Variants in BRINP3 observed in about 807,000 individuals in gnomAD.
The protein encoded by BRINP3 is BMP/retinoic acid inducible neural specific 3.
A neutral mutation model predicts 71.0 loss-of-function variants in BRINP3; 19 were observed. That is an observed-to-expected ratio of 0.27 (90% CI 0.19 to 0.39). BRINP3 has a LOEUF of 0.39. BRINP3 is among the 10% of genes least tolerant of loss of function. The probability of loss-of-function intolerance (pLI) is 1.00; values close to 1 mark genes in which losing one functional copy is unlikely to be tolerated. For synonymous variants in BRINP3, 380 were observed against 337.7 expected (o/e 1.13, Z -1.37); for missense variants, 959 against 940.8 (o/e 1.02, Z -0.25).
intron 6 of BRINP3, among the ~76,000 whole-genome samples, chr1:190,187,287 C>A (rs1653616226): frequency 6.6e-6 from 1 of 152,064 alleles, no homozygotes; most frequent in Non-Finnish European, 1.5e-5. Context: ...GCCTCCTTAT[C>A]AGATGTATAG....
At chr1:190,373,938 T>C (rs1250542449) in intron 2 of BRINP3, among the ~76,000 whole-genome samples, 1 of 150,960 alleles carries the variant, frequency 6.6e-6, no homozygotes, top group Non-Finnish European at 1.5e-5. Flanking sequence ...GGAGGCAGTG[T>C]AGTGTAGCGT....
At chr1:190,106,815 G>A (rs1652211365) in intron 7 of BRINP3, among the ~76,000 whole-genome samples, 1 of 151,646 alleles carries the variant, frequency 6.6e-6, no homozygotes, top group Non-Finnish European at 1.5e-5. Flanking sequence ...TATGTTTCAT[G>A]ACCAATTTCC....
chr1:190,207,206 TTGTC>T (rs1342751935), intron 6 of BRINP3, among the ~76,000 whole-genome samples: 3 of 152,110 alleles, frequency 2.0e-5, no homozygotes, highest in Admixed American at 6.6e-5. Flanking sequence ...TACCGCTAAA[TTGTC>T]TGTCTGTCAG....
chr1:190,367,459 T>G (rs1024950894), intron 2 of BRINP3, among the ~76,000 whole-genome samples: 1 of 152,224 alleles, frequency 6.6e-6, no homozygotes, highest in African/African-American at 2.4e-5. Context: ...TAGGAGGTGC[T>G]GCTGCAAAGG....
intron 7 of BRINP3, among the ~76,000 whole-genome samples, chr1:190,119,121 T>G (rs945375146): frequency 6.6e-6 from 1 of 152,118 alleles, no homozygotes; most frequent in Admixed American, 6.5e-5. Flanking sequence ...ATAAAAAGAT[T>G]GCATTCAATT....
intron 2 of BRINP3, among the ~76,000 whole-genome samples, chr1:190,363,125 G>C: frequency 6.6e-6 from 1 of 152,118 alleles, no homozygotes. Flanking sequence ...ATGTTTGAGA[G>C]GGCCTATTGG....
At chr1:190,384,565 T>G (rs1382528124) in intron 2 of BRINP3, among the ~76,000 whole-genome samples, 1 of 151,798 alleles carries the variant, frequency 6.6e-6, no homozygotes, top group East Asian at 1.9e-4. Context: ...ATTGAGATAA[T>G]TTATAAAAAT....
At chr1:190,119,484 C>T (rs182412289) in intron 7 of BRINP3, among the ~76,000 whole-genome samples, 60 of 152,026 alleles carry the variant, frequency 3.9e-4, no homozygotes, top group African/African-American at 1.3e-3. Flanking sequence ...CCATTTTGGT[C>T]GGGGGGTCTT....
chr1:190,454,629 G>T (rs997465388), intron 2 of BRINP3, 26 bp downstream of exon 2: 1 of 1,579,696 alleles, frequency 6.3e-7, no homozygotes, highest in Admixed American at 1.7e-5. Flanking sequence ...TGATATTTCT[G>T]TAATTGCTTT....
chr1:190,354,796 A>G (rs1668625281), intron 2 of BRINP3, among the ~76,000 whole-genome samples: 1 of 149,930 alleles, frequency 6.7e-6, no homozygotes, highest in Admixed American at 6.6e-5. Context: ...TCCTATTTAA[A>G]CTGTTGCACC....
chr1:190,414,333 CTG>C lies in BRINP3; in HGVS notation c.236+40320_236+40321del, dbSNP rs534073447. Among the ~76,000 whole-genome samples, 32 of 151,290 alleles carry C rather than the reference CTG, an allele frequency of 2.1e-4. No homozygotes were observed. In the South Asian group the frequency reaches 5.8e-3, roughly 28 times the overall value. On this transcript the variant is annotated intron_variant, in intron 2 of 7. Coordinates refer to ENST00000367462, the MANE Select transcript of BRINP3 (RefSeq NM_199051.3). ...ATAATATTTGAGGTTGAATAAATCA[CTG>C]TGTTTTTTTTTTGTTGTTTATCAGT... is the stretch of plus-strand genomic sequence containing the variant.
chr1:190,382,946 C>T (rs976580233), intron 2 of BRINP3, among the ~76,000 whole-genome samples: 2 of 152,110 alleles, frequency 1.3e-5, no homozygotes, highest in Admixed American at 1.3e-4. Context: ...TTCAAAATTT[C>T]CTCAAGTGCT....
Position 190,179,045 on chromosome 1 carries a change from C to T in BRINP3, c.962-18155G>A, listed in dbSNP as rs370674962. ...TACAATGTCAGCATAATATTTAAAACGTCTCAGCAAACTCTTTCCTTCATA... is the reference window on the plus strand; with the variant it reads ...TACAATGTCAGCATAATATTTAAAATGTCTCAGCAAACTCTTTCCTTCATA... On this transcript the variant is annotated intron_variant, in intron 6 of 7. Coordinates refer to ENST00000367462, the MANE Select transcript of BRINP3 (RefSeq NM_199051.3). Among the ~76,000 whole-genome samples the T allele has an allele frequency of 1.2e-4, 19 of 152,206 alleles. No individual in the cohort carries two copies. In the South Asian group the frequency reaches 3.1e-3, roughly 25 times the overall value.
chr1:190,276,816 A>C (rs1371268975), intron 3 of BRINP3, among the ~76,000 whole-genome samples: 1 of 151,332 alleles, frequency 6.6e-6, no homozygotes, highest in Non-Finnish European at 1.5e-5. Context: ...TATCTAAAAA[A>C]TGCTTAAGTT....
chr1:190,437,935 T>C (rs1003307664), intron 2 of BRINP3, among the ~76,000 whole-genome samples: 3 of 151,584 alleles, frequency 2.0e-5, no homozygotes, highest in African/African-American at 7.2e-5. Flanking sequence ...TTATAATTTA[T>C]ATAGTATAAT....
At chr1:190,268,330 C>T (rs1019476513) in intron 3 of BRINP3, among the ~76,000 whole-genome samples, 43 of 152,024 alleles carry the variant, frequency 2.8e-4, no homozygotes, top group Non-Finnish European at 4.1e-4. Context: ...AACTTCTGGC[C>T]TCAAGTGATC....
chr1:190,273,622 G>T (rs1405440681), intron 3 of BRINP3, among the ~76,000 whole-genome samples: 5 of 151,502 alleles, frequency 3.3e-5, no homozygotes, highest in Admixed American at 2.6e-4. Flanking sequence ...CTGGCTCATA[G>T]AATTTGACAT....
At chr1:190,438,281 A>G (rs1357105478) in intron 2 of BRINP3, among the ~76,000 whole-genome samples, 1 of 151,556 alleles carries the variant, frequency 6.6e-6, no homozygotes, top group African/African-American at 2.4e-5. Flanking sequence ...TAAAAACTAT[A>G]AAAATAACTA....
intron 6 of BRINP3, among the ~76,000 whole-genome samples, chr1:190,215,805 T>C (rs570770377): frequency 6.6e-6 from 1 of 152,036 alleles, no homozygotes; most frequent in East Asian, 1.9e-4. Context: ...ACGATGCTGA[T>C]AAAGACATAT....
Sources: gnomAD v4.1 joint callset for allele counts (sites outside exome capture counted in the v4.1 genomes callset) on GRCh38, gnomAD v4.1.1 for gene constraint, MANE v1.5 for transcripts, NCBI Gene and HGNC (gene_info 2026-07-23, HGNC 2026-07-21) for gene names.